Variants in CCDC172 observed in about 807,000 individuals in gnomAD.
CCDC172 encodes the protein coiled-coil domain containing 172.
A neutral mutation model predicts 38.0 loss-of-function variants in CCDC172; 30 were observed. The ratio of observed to expected loss-of-function variants is 0.79; its 90% CI spans 0.59 to 1.07. The LOEUF is 1.07. Among genes scored for constraint, CCDC172 ranks in the 50% least tolerant of loss-of-function variants. The pLI, the probability that CCDC172 is intolerant of heterozygous loss-of-function variation, is 0.00. For synonymous variants in CCDC172, 78 were observed against 88.3 expected, an observed-to-expected ratio of 0.88 and a Z score of 0.66; for missense variants, 297 against 290.1, an observed-to-expected ratio of 1.02 and a Z score of -0.17.
chr10:116,352,408 A>G (rs964045913), intron 5 of CCDC172, among the ~76,000 whole-genome samples: 4 of 152,228 alleles, frequency 2.6e-5, no homozygotes, highest in Admixed American at 6.5e-5. Flanking sequence ...CAATAGTAAC[A>G]TACCTAGAAA....
At chr10:116,374,932 C>T (rs887226914) in intron 7 of CCDC172, among the ~76,000 whole-genome samples, 10 of 151,342 alleles carry the variant, frequency 6.6e-5, no homozygotes, top group Admixed American at 5.9e-4. Flanking sequence ...CCTGTACTAG[C>T]GGTCTGGAAG....
intron 7 of CCDC172, among the ~76,000 whole-genome samples, chr10:116,368,062 A>G (rs1565723514): frequency 6.6e-6 from 1 of 152,080 alleles, no homozygotes; most frequent in Non-Finnish European, 1.5e-5. Context: ...TATGTAAGTG[A>G]TAGTGTGTCT....
At chr10:116,364,486 C>T (rs1589957906) in intron 7 of CCDC172, among the ~76,000 whole-genome samples, 1 of 151,878 alleles carries the variant, frequency 6.6e-6, no homozygotes. Context: ...ACAGAAGAAG[C>T]TTTATGCTCA....
At chr10:116,334,029 C>T (rs1483077527) in intron 3 of CCDC172, among the ~76,000 whole-genome samples, 1 of 152,104 alleles carries the variant, frequency 6.6e-6, no homozygotes. Context: ...ACCTCAGTTT[C>T]CTTTGTTCAG....
chr10:116,351,612 T>C (rs1227962044), intron 5 of CCDC172, among the ~76,000 whole-genome samples: 2 of 152,154 alleles, frequency 1.3e-5, no homozygotes, highest in African/African-American at 4.8e-5. Context: ...TGGAGAACTT[T>C]TACGTATCGT....
chr10:116,361,348 T>G (rs1407137544), intron 7 of CCDC172, among the ~76,000 whole-genome samples: 1 of 152,172 alleles, frequency 6.6e-6, no homozygotes, highest in Non-Finnish European at 1.5e-5. Context: ...TCATGATTTT[T>G]TTTATTTACT....
At position 116,363,941 on chromosome 10, in the gene CCDC172, A is replaced by T. The variant is rs967264620; in HGVS notation, c.653+6003A>T. Among the ~76,000 whole-genome samples the T allele has an allele frequency of 1.2e-3, 184 of 151,770 alleles. 2 individuals carry two copies. The highest frequency in any genetic ancestry group is 6.8e-3 in the Middle Eastern group (2 of 294). ...AGCGAGACTTGGTCTCAAAAAAAAA[A>T]AAAAAAAATAATAATAATAGATTTA... On this transcript the variant is annotated intron_variant, in intron 7 of 8. Transcript: ENST00000333254.
chr10:116,354,801 A>C (rs146101525), intron 5 of CCDC172, among the ~76,000 whole-genome samples: 1 of 152,236 alleles, frequency 6.6e-6, no homozygotes, highest in Non-Finnish European at 1.5e-5. Context: ...AGGGCCTTCC[A>C]GTAGGGGCTT....
chr10:116,371,447 T>C (rs1845184584), intron 7 of CCDC172, among the ~76,000 whole-genome samples: 1 of 151,922 alleles, frequency 6.6e-6, no homozygotes, highest in African/African-American at 2.4e-5. Context: ...TTTTTACTAA[T>C]ATTTTATTTA....
At chr10:116,335,679 T>C (rs1858078531) in intron 3 of CCDC172, among the ~76,000 whole-genome samples, 1 of 152,162 alleles carries the variant, frequency 6.6e-6, no homozygotes, top group African/African-American at 2.4e-5. Context: ...AAGTTTTTCA[T>C]ACAGGTCTCA....
At chr10:116,338,750 C>T (rs773172652) in intron 3 of CCDC172, among the ~76,000 whole-genome samples, 14 of 152,026 alleles carry the variant, frequency 9.2e-5, no homozygotes, top group Non-Finnish European at 1.5e-4. Flanking sequence ...TTTCTGAGTC[C>T]TTAACATAAG....
intron 3 of CCDC172, among the ~76,000 whole-genome samples, chr10:116,332,383 TG>T (rs1348120364): frequency 1.3e-5 from 2 of 152,172 alleles, no homozygotes; most frequent in African/African-American, 4.8e-5. Context: ...TGCCTCACGT[TG>T]TCATTCTTGA....
intron 5 of CCDC172, among the ~76,000 whole-genome samples, chr10:116,354,867 C>A (rs1257098188): frequency 6.6e-6 from 1 of 152,110 alleles, no homozygotes; most frequent in African/African-American, 2.4e-5. Context: ...ATGATCCCAC[C>A]CTTGTGTAGG....
At chr10:116,335,280 A>G (rs1055889007) in intron 3 of CCDC172, among the ~76,000 whole-genome samples, 11 of 152,096 alleles carry the variant, frequency 7.2e-5, no homozygotes, top group Admixed American at 2.0e-4. Flanking sequence ...TTGATCGGAA[A>G]CACTGTCTTT....
intron 3 of CCDC172, among the ~76,000 whole-genome samples, chr10:116,332,957 T>C (rs974795650): frequency 1.8e-4 from 27 of 152,278 alleles, no homozygotes; most frequent in Admixed American, 1.5e-3. Flanking sequence ...TCTCTGCAAA[T>C]TTAAATCATG....
At chr10:116,372,238 CTT>C (rs1006294287) in intron 7 of CCDC172, among the ~76,000 whole-genome samples, 4 of 151,938 alleles carry the variant, frequency 2.6e-5, no homozygotes, top group Non-Finnish European at 4.4e-5. Context: ...CTTTTGGAAA[CTT>C]AAACATTTTT....
intron 7 of CCDC172, among the ~76,000 whole-genome samples, chr10:116,370,610 A>G (rs1268727521): frequency 6.6e-6 from 1 of 151,640 alleles, no homozygotes; most frequent in Non-Finnish European, 1.5e-5. Context: ...ATAAAAGATA[A>G]ATAGTAGGAT....
At chr10:116,372,023 C>G (rs1202469173) in intron 7 of CCDC172, among the ~76,000 whole-genome samples, 3 of 152,026 alleles carry the variant, frequency 2.0e-5, no homozygotes. Context: ...CACCCTTTTT[C>G]CTTTCTTCTA....
At chr10:116,358,413 A>G (rs372132535) in intron 7 of CCDC172, among the ~76,000 whole-genome samples, 16 of 152,152 alleles carry the variant, frequency 1.1e-4, no homozygotes, top group African/African-American at 3.9e-4. Flanking sequence ...TGGATAATGA[A>G]TGTATGATAT....
Sources: allele counts gnomAD v4.1 joint callset (sites outside exome capture counted in the v4.1 genomes callset), GRCh38; gene constraint gnomAD v4.1.1; transcripts MANE v1.5; gene names NCBI Gene and HGNC (gene_info 2026-07-23, HGNC 2026-07-21).